Variants in PTER observed in about 807,000 individuals in gnomAD.
The protein encoded by PTER is phosphotriesterase related.
In PTER, 38 loss-of-function variants were observed where a neutral mutation model predicts 29.6. The ratio of observed to expected loss-of-function variants is 1.28; its 90% CI spans 0.99 to 1.68. The LOEUF (loss-of-function observed/expected upper bound fraction) is 1.68. Among genes scored for constraint, PTER ranks in the 40% most tolerant of loss-of-function variants. The pLI is 0.00. For missense variants in PTER, 482 were observed against 427.8 expected, an observed-to-expected ratio of 1.13 and a Z score of -1.12; for synonymous variants, 172 against 154.5, an observed-to-expected ratio of 1.11 and a Z score of -0.84.
chr10:16,483,559 C>T (rs1298408359), intron 1 of PTER, among the ~76,000 whole-genome samples: 3 of 152,016 alleles, frequency 2.0e-5, no homozygotes, highest in East Asian at 1.9e-4. Flanking sequence ...GTAGAAAGAT[C>T]AGTTGTGGCC....
chr10:16,450,850 C>G (rs1834181372), intron 1 of PTER, among the ~76,000 whole-genome samples: 1 of 152,182 alleles, frequency 6.6e-6, no homozygotes, highest in Admixed American at 6.5e-5. Context: ...AGTCACTAAA[C>G]CCCTTGCCCC....
chr10:16,461,585 A>G (rs1229434681), intron 1 of PTER, among the ~76,000 whole-genome samples: 1 of 152,138 alleles, frequency 6.6e-6, no homozygotes, highest in African/African-American at 2.4e-5. Flanking sequence ...CTTTTAGTAC[A>G]TCAGATACTA....
intron 1 of PTER, among the ~76,000 whole-genome samples, chr10:16,467,137 T>C (rs908012290): frequency 6.6e-6 from 1 of 152,234 alleles, no homozygotes; most frequent in Non-Finnish European, 1.5e-5. Flanking sequence ...TTCAGTTACC[T>C]GTAGTCAACC....
intron 1 of PTER, among the ~76,000 whole-genome samples, chr10:16,478,981 T>A (rs1390874693): frequency 6.6e-6 from 1 of 152,270 alleles, no homozygotes; most frequent in East Asian, 1.9e-4. Context: ...TGCAAAGGCC[T>A]TTTCCCAGCA....
intron 1 of PTER, among the ~76,000 whole-genome samples, chr10:16,460,280 C>T (rs1272426129): frequency 2.0e-5 from 3 of 152,100 alleles, no homozygotes; most frequent in Admixed American, 2.0e-4. Flanking sequence ...TCTTTATTAA[C>T]AGAGACAAGA....
intron 1 of PTER, among the ~76,000 whole-genome samples, chr10:16,449,478 C>T (rs1440284509): frequency 6.7e-6 from 1 of 148,928 alleles, no homozygotes; most frequent in Non-Finnish European, 1.5e-5. Flanking sequence ...CTCCGTCGCC[C>T]AGGGTACAGT....
In PTER at chr10:16,512,177, A is replaced by G. The variant is rs531545346; in HGVS notation, c.*921A>G. 2.6e-5 allele frequency: 4 copies of G among 152,200 alleles called. No homozygotes were observed. Among genetic ancestry groups the G allele is most frequent in the Admixed American group, 2.6e-4 (4 of 15,264 alleles). The allele number at this position is 152,200 out of a possible 1,614,324, so 9.4% of individuals were successfully genotyped here. ...CTTATGTATCTGAAGAAAAGGTCAG[A>G]TCTATTGGAAATGACAGCCCGATAC... is the stretch of plus-strand genomic sequence containing the variant. On this transcript the variant is annotated 3_prime_UTR_variant, in exon 5 of 5. Coordinates refer to ENST00000535784, the MANE Select transcript of PTER (RefSeq NM_001261836.2).
At position 16,453,455 on chromosome 10, in the gene PTER, C is replaced by G. The variant is rs557266369; in HGVS notation, c.-49+16408C>G. On this transcript the variant is annotated intron_variant, in intron 1 of 4. Coordinates refer to ENST00000535784, the MANE Select transcript of PTER (RefSeq NM_001261836.2). ...AGCCAGCCGTTTTCAGTTGCTTAGG[C>G]AGTCAGCATCACGTATTTGAAGGCT... 1.4e-4 allele frequency among the ~76,000 whole-genome samples: 22 copies of G among 152,226 alleles called. No individual in the cohort carries two copies. The South Asian group carries it at 3.1e-3, about 22-fold the overall frequency.
At chr10:16,480,898 T>C (rs1227600679) in intron 1 of PTER, among the ~76,000 whole-genome samples, 1 of 152,256 alleles carries the variant, frequency 6.6e-6, no homozygotes, top group Non-Finnish European at 1.5e-5. Context: ...ACACATATTT[T>C]AAACATGCGT....
At chr10:16,478,334 C>T (rs529398846) in intron 1 of PTER, among the ~76,000 whole-genome samples, 2,275 of 126,338 alleles carry the variant, frequency 0.018, 71 homozygotes, top group African/African-American at 0.072. Flanking sequence ...CCCTCGTTTC[C>T]GTTTTTTTTT....
Position 16,511,569 on chromosome 10 carries a change from C to T in PTER, c.*313C>T, listed in dbSNP as rs1588637609. On this transcript the variant is annotated 3_prime_UTR_variant, in exon 5 of 5. Coordinates refer to ENST00000535784, the MANE Select transcript of PTER (RefSeq NM_001261836.2). ...GTTTTTCTCCCTAATCTATCAGCTG[C>T]ACTACTTGAGAAAATTTAAAGTGTT... The T allele has an allele frequency of 3.6e-6, 1 of 280,688 alleles. No individual in the cohort carries two copies. Among genetic ancestry groups the T allele is most frequent in the Non-Finnish European group, 6.8e-6 (1 of 147,518 alleles). The allele number at this position is 280,688 out of a possible 1,614,324, so 17.4% of individuals were successfully genotyped here.
intron 4 of PTER, among the ~76,000 whole-genome samples, chr10:16,508,039 T>C (rs1030643389): frequency 2.0e-5 from 3 of 151,822 alleles, no homozygotes; most frequent in Non-Finnish European, 4.4e-5. Flanking sequence ...CCTCAACATA[T>C]GTTTTATTTC....
At chr10:16,497,233 C>T (rs1444326494) in intron 3 of PTER, among the ~76,000 whole-genome samples, 1 of 152,186 alleles carries the variant, frequency 6.6e-6, no homozygotes, top group Non-Finnish European at 1.5e-5. Context: ...TATGCCCAGC[C>T]TCTCTGGATC....
Position 16,511,684 on chromosome 10 carries a change from C to T in PTER, c.*428C>T, listed in dbSNP as rs192313888. On this transcript the variant is annotated 3_prime_UTR_variant, in exon 5 of 5. Coordinates refer to ENST00000535784, the MANE Select transcript of PTER (RefSeq NM_001261836.2). Reference sequence around the variant, plus strand: ...TTATCCTGCTGTTCTTTAATTAATGCTTAATGAATAATATGGCACTGTAAA... The same window carrying T: ...TTATCCTGCTGTTCTTTAATTAATGTTTAATGAATAATATGGCACTGTAAA... 2 of 172,132 alleles carry T rather than the reference C, an allele frequency of 1.2e-5. No individual in the cohort carries two copies. The highest frequency in any genetic ancestry group is 1.1e-4 in the Admixed American group (2 of 18,448). 10.7% of individuals were successfully genotyped at this position (172,132 alleles called of 1,614,324 possible). A position where few individuals can be genotyped will look rare whatever the true frequency, so the allele number is the denominator to read the frequency against.
intron 3 of PTER, among the ~76,000 whole-genome samples, chr10:16,487,208 C>T (rs1401522332): frequency 6.6e-6 from 1 of 152,188 alleles, no homozygotes; most frequent in Non-Finnish European, 1.5e-5. Flanking sequence ...TTATCACAAA[C>T]TGGGTGCCCC....
At chr10:16,495,354 GA>G (rs1208298987) in intron 3 of PTER, among the ~76,000 whole-genome samples, 1 of 152,098 alleles carries the variant, frequency 6.6e-6, no homozygotes, top group Non-Finnish European at 1.5e-5. Flanking sequence ...ATTTTTAGTA[GA>G]GACGAGGTTT....
chr10:16,498,710 G>T (rs1009961117), intron 3 of PTER, among the ~76,000 whole-genome samples: 3 of 152,200 alleles, frequency 2.0e-5, no homozygotes, highest in African/African-American at 7.2e-5. Flanking sequence ...GACTGGGAGG[G>T]ACAGGACCTC....
At chr10:16,504,881 A>T in intron 3 of PTER, 139 bp from the exon 4 acceptor site, 1 of 870,578 alleles carries the variant, frequency 1.1e-6, no homozygotes, top group Non-Finnish European at 1.7e-6. Context: ...TCACATCATT[A>T]AGAGCCATTT....
chr10:16,452,377 A>G (rs1047294014), intron 1 of PTER, among the ~76,000 whole-genome samples: 2 of 151,368 alleles, frequency 1.3e-5, no homozygotes, highest in Non-Finnish European at 2.9e-5. Flanking sequence ...GCTCATTGCA[A>G]CCTGCATCTC....
Sources: gnomAD v4.1 joint callset for allele counts (sites outside exome capture counted in the v4.1 genomes callset) on GRCh38, gnomAD v4.1.1 for gene constraint, MANE v1.5 for transcripts, NCBI Gene and HGNC (gene_info 2026-07-23, HGNC 2026-07-21) for gene names.